Variants in ASIC2 observed in about 807,000 individuals in gnomAD.
The protein encoded by ASIC2 is acid sensing ion channel subunit 2.
In ASIC2, 25 loss-of-function variants were observed where a neutral mutation model predicts 57.3. The ratio of observed to expected loss-of-function variants is 0.44; its 90% confidence interval spans 0.32 to 0.61. The LOEUF (loss-of-function observed/expected upper bound fraction) is 0.61, where lower values mean the gene tolerates loss of function less well. Ranked by LOEUF, ASIC2 falls within the 20% of genes least tolerant of loss-of-function variation. The pLI, the probability that ASIC2 is intolerant of heterozygous loss-of-function variation, is 0.06. For missense variants in ASIC2, 641 were observed against 738.1 expected (o/e 0.87, Z 1.52); for synonymous variants, 319 against 307.5 (o/e 1.04, Z -0.39).
intron 2 of ASIC2, among the ~76,000 whole-genome samples, chr17:33,099,203 G>C (rs924143757): frequency 3.9e-5 from 6 of 152,030 alleles, no homozygotes; most frequent in African/African-American, 1.4e-4. Flanking sequence ...TTTTAGTGGA[G>C]ACGGGGTTTC....
chr17:34,068,224 G>A (rs1166309824), intron 1 of ASIC2, among the ~76,000 whole-genome samples: 1 of 152,150 alleles, frequency 6.6e-6, no homozygotes, highest in East Asian at 1.9e-4. Flanking sequence ...CACCATTAAT[G>A]TATGATGGAA....
In ASIC2 at chr17:33,449,556, C is replaced by G. The variant is rs139793790; in HGVS notation, c.556-337489G>C. ...ACACAAATGTTCTCAAAGCAAACCC[C>G]TCTATCAACTTCCCAGGGAAATATA... On this transcript the variant is annotated intron_variant, in intron 1 of 9. Transcript: ENST00000359872. Among the ~76,000 whole-genome samples, 497 of 152,194 alleles carry G rather than the reference C, an allele frequency of 3.3e-3. 4 individuals carry two copies. The highest frequency in any genetic ancestry group is 0.011 in the African/African-American group (475 of 41,512).
intron 1 of ASIC2, among the ~76,000 whole-genome samples, chr17:33,685,155 G>A (rs746062793): frequency 1.8e-4 from 28 of 152,188 alleles, no homozygotes; most frequent in African/African-American, 5.5e-4. Flanking sequence ...GTGTACACAC[G>A]GATGGAGGTC....
chr17:33,816,997 C>G (rs1162530522), intron 1 of ASIC2, among the ~76,000 whole-genome samples: 1 of 152,244 alleles, frequency 6.6e-6, no homozygotes, highest in Non-Finnish European at 1.5e-5. Context: ...CTCTGCTGAG[C>G]TCACACCGCC....
At chr17:33,740,478 C>A (rs1910075226) in intron 1 of ASIC2, among the ~76,000 whole-genome samples, 1 of 152,170 alleles carries the variant, frequency 6.6e-6, no homozygotes, top group Non-Finnish European at 1.5e-5. Flanking sequence ...CTCGTGAGAG[C>A]TCACTATCAT....
intron 1 of ASIC2, among the ~76,000 whole-genome samples, chr17:33,377,539 C>T (rs1222944356): frequency 1.3e-5 from 2 of 152,202 alleles, no homozygotes; most frequent in East Asian, 3.9e-4. Flanking sequence ...CTTATACTGT[C>T]CCTTCTCTCT....
chr17:33,933,126 A>T (rs1915981527), intron 1 of ASIC2, among the ~76,000 whole-genome samples: 1 of 152,092 alleles, frequency 6.6e-6, no homozygotes, highest in African/African-American at 2.4e-5. Flanking sequence ...TTTTCAGCAT[A>T]GCCAGCCATG....
At chr17:33,367,982 G>A (rs1450435551) in intron 1 of ASIC2, among the ~76,000 whole-genome samples, 1 of 152,156 alleles carries the variant, frequency 6.6e-6, no homozygotes. Context: ...GCATGAGACA[G>A]TACCACAGAG....
chr17:33,538,798 G>T (rs1915317184), intron 1 of ASIC2, among the ~76,000 whole-genome samples: 1 of 152,228 alleles, frequency 6.6e-6, no homozygotes, highest in African/African-American at 2.4e-5. Flanking sequence ...CATGCCCATG[G>T]CATGAGGCTG....
intron 1 of ASIC2, among the ~76,000 whole-genome samples, chr17:33,474,745 C>G (rs1045686400): frequency 6.6e-6 from 1 of 152,186 alleles, no homozygotes. Flanking sequence ...AGGCCAGCCT[C>G]CTATGGCAGA....
chr17:34,019,056 C>T (rs1416216313), intron 1 of ASIC2, among the ~76,000 whole-genome samples: 6 of 152,160 alleles, frequency 3.9e-5, no homozygotes, highest in Admixed American at 6.5e-5. Flanking sequence ...TACAGGCGCC[C>T]GCCACCACGC....
chr17:33,230,102 G>C (rs1908031369), intron 1 of ASIC2, among the ~76,000 whole-genome samples: 1 of 152,184 alleles, frequency 6.6e-6, no homozygotes, highest in African/African-American at 2.4e-5. Flanking sequence ...ATGAAAGTCT[G>C]ATGTACACAC....
chr17:33,962,509 G>A (rs1451152049), intron 1 of ASIC2, among the ~76,000 whole-genome samples: 1 of 152,162 alleles, frequency 6.6e-6, no homozygotes, highest in Admixed American at 6.5e-5. Context: ...CTATTCTAAT[G>A]CCTTGTAAAC....
intron 1 of ASIC2, among the ~76,000 whole-genome samples, chr17:33,242,669 G>A (rs1057458570): frequency 1.3e-5 from 2 of 152,102 alleles, no homozygotes; most frequent in African/African-American, 2.4e-5. Context: ...CGAGACGTCC[G>A]GGAGTTTTCA....
At chr17:34,005,401 AG>A (rs1906490839) in intron 1 of ASIC2, 1 of 152,118 alleles carries the variant, frequency 6.6e-6, no homozygotes, top group Admixed American at 6.5e-5. Flanking sequence ...AATTTAAAAA[AG>A]TTTTTAAAAG....
Position 34,156,067 on chromosome 17 carries a change from A to AC in ASIC2, c.465dup (p.Phe156ValfsTer8). ...AGGTCATGGCCCACACGGTGCAGGA[A>AC]CTCCAGCATGCTGAACTGCTTGGGT... On this transcript the variant is annotated frameshift_variant, in exon 1 of 10. Coordinates refer to the ASIC2 transcript ENST00000359872. LOFTEE classifies it high-confidence loss of function. The surrounding 1 kb of genome is among the most constrained non-coding windows in gnomAD (Gnocchi z 4.4). 1 of 1,613,770 alleles carries AC rather than the reference A, an allele frequency of 6.2e-7. No homozygotes were observed. Among genetic ancestry groups the AC allele is most frequent in the Non-Finnish European group, 8.5e-7 (1 of 1,179,958 alleles).
At chr17:33,862,344 G>T (rs1188726895) in intron 1 of ASIC2, among the ~76,000 whole-genome samples, 2 of 152,100 alleles carry the variant, frequency 1.3e-5, no homozygotes, top group Non-Finnish European at 2.9e-5. Flanking sequence ...TAGATATAGA[G>T]TATTTATTTA....
At chr17:33,757,206 G>A (rs957012162) in intron 1 of ASIC2, among the ~76,000 whole-genome samples, 1 of 152,186 alleles carries the variant, frequency 6.6e-6, no homozygotes, top group African/African-American at 2.4e-5. Flanking sequence ...GTGAGATTCT[G>A]GAAGATTCTC....
At chr17:33,651,384 G>A (rs746083190) in intron 1 of ASIC2, among the ~76,000 whole-genome samples, 2 of 152,040 alleles carry the variant, frequency 1.3e-5, no homozygotes, top group Admixed American at 6.6e-5. Flanking sequence ...AAAAAGAACC[G>A]AGAACAAAAA....
Sources: allele counts gnomAD v4.1 joint callset (sites outside exome capture counted in the v4.1 genomes callset), GRCh38; gene constraint gnomAD v4.1.1; non-coding constraint Gnocchi (gnomAD v3.1); transcripts MANE v1.5; gene names NCBI Gene and HGNC (gene_info 2026-07-23, HGNC 2026-07-21).